Variants in CTTNBP2 observed in about 807,000 individuals in gnomAD.
CTTNBP2 encodes cortactin-binding protein 2.
A neutral mutation model predicts 156.9 loss-of-function variants in CTTNBP2; 108 were observed. The ratio of observed to expected loss-of-function variants is 0.69; its 90% CI spans 0.59 to 0.81. The LOEUF is 0.81. CTTNBP2 is among the 30% of genes least tolerant of loss of function. CTTNBP2 has a pLI of 0.00. For synonymous variants in CTTNBP2, 767 were observed against 751.8 expected (o/e 1.02, Z -0.33); for missense variants, 1,924 against 2,035.4 (o/e 0.95, Z 1.05).
At chr7:117,753,201 A>G (rs951565267) in intron 12 of CTTNBP2, among the ~76,000 whole-genome samples, 1 of 152,196 alleles carries the variant, frequency 6.6e-6, no homozygotes, top group South Asian at 2.1e-4. Context: ...AACCACAATG[A>G]GATACCATCT....
chr7:117,871,510 G>C (rs1017065227), intron 1 of CTTNBP2: 5 of 165,274 alleles, frequency 3.0e-5, no homozygotes, highest in African/African-American at 9.7e-5. Context: ...CCATTAACAA[G>C]GGTGAAATTA....
chr7:117,783,279 C>T lies in CTTNBP2; in HGVS notation c.2273-318G>A, dbSNP rs201873788. On this transcript the variant is annotated intron_variant, in intron 5 of 22. Transcript: ENST00000160373. ...ATGTCATGTGCCAGAAAATGCTTTA[C>T]CAGATCTTTCCAACAGTCTATCCCA... Among the ~76,000 whole-genome samples the T allele has an allele frequency of 5.3e-5, 8 of 152,246 alleles. No homozygotes were observed. In the East Asian group the frequency reaches 1.5e-3, roughly 29 times the overall value.
chr7:117,791,032 T>C, intron 4 of CTTNBP2, 96 bp downstream of exon 4: 2 of 1,041,700 alleles, frequency 1.9e-6, no homozygotes, highest in Non-Finnish European at 2.8e-6. Flanking sequence ...GCATCAAATT[T>C]AAAAAAAAAG....
intron 3 of CTTNBP2, among the ~76,000 whole-genome samples, chr7:117,806,755 T>TA (rs1563026475): frequency 7.7e-6 from 1 of 129,034 alleles, no homozygotes; most frequent in Non-Finnish European, 1.6e-5. Flanking sequence ...TTTTTTTTTT[T>TA]TTTTTTTTTT....
intron 1 of CTTNBP2, 101 bp downstream of exon 1, chr7:117,873,234 G>C (rs531780198): frequency 3.3e-6 from 3 of 918,810 alleles, no homozygotes; most frequent in African/African-American, 3.5e-5. Context: ...CCGGGCTTAC[G>C]GAACGCCCCG....
intron 3 of CTTNBP2, among the ~76,000 whole-genome samples, chr7:117,802,352 G>A (rs35500445): frequency 6.7e-6 from 1 of 148,888 alleles, no homozygotes; most frequent in Non-Finnish European, 1.5e-5. Context: ...AACTCAAGAT[G>A]GATCAAATAT....
intron 9 of CTTNBP2, among the ~76,000 whole-genome samples, chr7:117,761,371 T>C (rs1170275879): frequency 6.6e-6 from 1 of 152,266 alleles, no homozygotes; most frequent in African/African-American, 2.4e-5. Flanking sequence ...TTTTGAAATG[T>C]TCTTTCCAAT....
At chr7:117,738,200 T>G (rs1465224507) in intron 14 of CTTNBP2, among the ~76,000 whole-genome samples, 1 of 152,182 alleles carries the variant, frequency 6.6e-6, no homozygotes, top group East Asian at 1.9e-4. Flanking sequence ...CCTGGGGCAC[T>G]GGCATTTTGT....
intron 17 of CTTNBP2, among the ~76,000 whole-genome samples, chr7:117,725,463 A>C (rs1014062538): frequency 2.0e-5 from 3 of 152,230 alleles, no homozygotes; most frequent in African/African-American, 7.2e-5. Flanking sequence ...CTGTATTTCA[A>C]ATGAAACTGA....
At chr7:117,872,061 G>A (rs867944184) in intron 1 of CTTNBP2, 1 of 739,592 alleles carries the variant, frequency 1.4e-6, no homozygotes, top group African/African-American at 1.9e-5. Flanking sequence ...TCTATGCAAA[G>A]AATGGAAACT....
intron 3 of CTTNBP2, among the ~76,000 whole-genome samples, chr7:117,800,243 C>A (rs1799537541): frequency 6.6e-6 from 1 of 151,836 alleles, no homozygotes. Flanking sequence ...TTAAGGCTAA[C>A]TATTAAAACA....
chr7:117,861,809 C>A (rs932509797), intron 1 of CTTNBP2, among the ~76,000 whole-genome samples: 4 of 151,964 alleles, frequency 2.6e-5, no homozygotes, highest in Non-Finnish European at 4.4e-5. Flanking sequence ...AAATCTGGCC[C>A]ACAGATGTGT....
At chr7:117,784,790 TA>T (rs1798624073) in intron 4 of CTTNBP2, among the ~76,000 whole-genome samples, 1 of 152,242 alleles carries the variant, frequency 6.6e-6, no homozygotes, top group South Asian at 2.1e-4. Context: ...TTCAGGATTT[TA>T]AAACAATTTG....
chr7:117,724,413 A>G, intron 19 of CTTNBP2, 134 bp downstream of exon 19: 1 of 737,230 alleles, frequency 1.4e-6, no homozygotes, highest in Non-Finnish European at 2.2e-6. Context: ...TTATTCCATG[A>G]AAATGTGCAT....
intron 4 of CTTNBP2, chr7:117,786,438 C>A: frequency 2.3e-6 from 1 of 440,286 alleles, no homozygotes; most frequent in Non-Finnish European, 4.6e-6. Context: ...TAAAAACAAA[C>A]AAACAAACAA....
intron 16 of CTTNBP2, among the ~76,000 whole-genome samples, chr7:117,733,327 T>A (rs1390289312): frequency 3.3e-5 from 5 of 152,026 alleles, no homozygotes; most frequent in Non-Finnish European, 5.9e-5. Context: ...TCAAACGCAA[T>A]GGAAAAGAGA....
At chr7:117,773,688 CACACACACACACACACACA>C (rs1562992368) in intron 8 of CTTNBP2, among the ~76,000 whole-genome samples, 39 of 150,186 alleles carry the variant, frequency 2.6e-4, no homozygotes, top group African/African-American at 9.6e-4. Context: ...CACACACACA[CACACACACACACACACACA>C]CCCCAAAAAA....
At chr7:117,853,999 G>C (rs763005385) in intron 2 of CTTNBP2, among the ~76,000 whole-genome samples, 1 of 152,150 alleles carries the variant, frequency 6.6e-6, no homozygotes, top group East Asian at 1.9e-4. Context: ...ACATTGACCA[G>C]AAGAATCAAA....
At chr7:117,838,976 G>T (rs998004300) in intron 2 of CTTNBP2, among the ~76,000 whole-genome samples, 2 of 99,910 alleles carry the variant, frequency 2.0e-5, no homozygotes, top group Admixed American at 1.3e-4. Context: ...GCGGGGGGGG[G>T]GCTTTTAAAA....
Sources: allele counts gnomAD v4.1 joint callset (sites outside exome capture counted in the v4.1 genomes callset), GRCh38; gene constraint gnomAD v4.1.1; transcripts MANE v1.5; gene names NCBI Gene and HGNC (gene_info 2026-07-23, HGNC 2026-07-21).